The following MYO3B variants were observed in gnomAD, a reference collection of about 807,000 sequenced individuals.
MYO3B encodes the protein myosin IIIB.
A neutral mutation model predicts 174.6 loss-of-function variants in MYO3B; 156 were observed. The observed-to-expected ratio is 0.89, with a 90% CI of 0.78 to 1.02. The LOEUF is 1.02. Among genes scored for constraint, MYO3B ranks in the 50% least tolerant of loss-of-function variants. MYO3B has a pLI of 0.00. For synonymous variants in MYO3B, 563 were observed against 569.1 expected (o/e 0.99, Z 0.15); for missense variants, 1,632 against 1,639.4 (o/e 1.00, Z 0.08).
chr2:170,625,061 C>G (rs578055585), intron 32 of MYO3B, among the ~76,000 whole-genome samples: 1 of 152,298 alleles, frequency 6.6e-6, no homozygotes, highest in East Asian at 1.9e-4. Context: ...GCTTTGGTAT[C>G]AGGATGATGC....
chr2:170,455,291 C>A (rs967974139), intron 23 of MYO3B, among the ~76,000 whole-genome samples: 9 of 152,116 alleles, frequency 5.9e-5, no homozygotes. Context: ...TCAGCTTACA[C>A]CCAGGAATGA....
chr2:170,599,201 C>T (rs939412885), intron 32 of MYO3B, among the ~76,000 whole-genome samples: 2 of 152,208 alleles, frequency 1.3e-5, no homozygotes, highest in African/African-American at 2.4e-5. Context: ...CTGTACCACC[C>T]AGTAGTAAGG....
At chr2:170,444,712 A>G (rs1168226670) in intron 23 of MYO3B, among the ~76,000 whole-genome samples, 1 of 152,226 alleles carries the variant, frequency 6.6e-6, no homozygotes, top group Non-Finnish European at 1.5e-5. Context: ...AGATGTACAT[A>G]TTTATATTTA....
intron 6 of MYO3B, among the ~76,000 whole-genome samples, chr2:170,220,628 CAAAAAAAAA>C (rs71006077): frequency 1.2e-5 from 1 of 85,926 alleles, no homozygotes; most frequent in Non-Finnish European, 2.4e-5. Context: ...GATTCCGTCT[CAAAAAAAAA>C]AAAAAAAAAA....
chr2:170,554,105 T>C (rs1162829545), intron 32 of MYO3B, among the ~76,000 whole-genome samples: 1 of 152,222 alleles, frequency 6.6e-6, no homozygotes, highest in African/African-American at 2.4e-5. Flanking sequence ...AATGGACAAA[T>C]ACAGAGACTT....
intron 7 of MYO3B, among the ~76,000 whole-genome samples, chr2:170,296,120 G>T (rs1021480179): frequency 1.3e-5 from 2 of 152,176 alleles, no homozygotes; most frequent in African/African-American, 2.4e-5. Context: ...GCTTTCAAAG[G>T]TGGAAGATCT....
At chr2:170,602,273 C>T (rs987830058) in intron 32 of MYO3B, 6 of 767,710 alleles carry the variant, frequency 7.8e-6, no homozygotes, top group African/African-American at 3.4e-5. Flanking sequence ...ACCCAGTGCC[C>T]GTCCGGCTCT....
chr2:170,262,815 G>A (rs114828728), intron 7 of MYO3B, among the ~76,000 whole-genome samples: 1 of 152,034 alleles, frequency 6.6e-6, no homozygotes, highest in Non-Finnish European at 1.5e-5. Flanking sequence ...TGTGTATTTG[G>A]TTATCTCTCT....
intron 32 of MYO3B, among the ~76,000 whole-genome samples, chr2:170,558,293 ACT>A (rs1691476065): frequency 6.7e-6 from 1 of 149,828 alleles, no homozygotes; most frequent in East Asian, 2.0e-4. Flanking sequence ...ACAGAGTGAG[ACT>A]CTGTCTCCAA....
intron 3 of MYO3B, among the ~76,000 whole-genome samples, chr2:170,212,926 A>G (rs2092788023): frequency 6.6e-6 from 1 of 152,204 alleles, no homozygotes; most frequent in Non-Finnish European, 1.5e-5. Flanking sequence ...CCCCCTTTTT[A>G]TCTGCCTAGG....
intron 7 of MYO3B, among the ~76,000 whole-genome samples, chr2:170,297,113 T>C (rs1202704503): frequency 1.3e-5 from 2 of 152,210 alleles, no homozygotes; most frequent in African/African-American, 2.4e-5. Flanking sequence ...GTAAGAACCA[T>C]GTGAGAAATT....
At chr2:170,501,028 C>T (rs1243513923) in intron 27 of MYO3B, among the ~76,000 whole-genome samples, 2 of 152,156 alleles carry the variant, frequency 1.3e-5, no homozygotes, top group East Asian at 3.9e-4. Context: ...GTGGCTCAGT[C>T]TATTTTGGAC....
In MYO3B at chr2:170,428,902, G is replaced by C. The variant is rs1392061540; in HGVS notation, c.2651-15065G>C. Among the ~76,000 whole-genome samples the C allele has an allele frequency of 2.6e-5, 4 of 152,214 alleles. No homozygotes were observed. In the East Asian group the frequency reaches 7.7e-4, roughly 29 times the overall value. On this transcript the variant is annotated intron_variant, in intron 22 of 34. Transcript: ENST00000408978. ...CTCCTTAAGTCAGTGGCAGGTGTGGGATAGGAATCCAAGTTTCTCACTTTC... is the reference window on the plus strand; with the variant it reads ...CTCCTTAAGTCAGTGGCAGGTGTGGCATAGGAATCCAAGTTTCTCACTTTC...
At chr2:170,511,773 G>A (rs1688007269) in intron 28 of MYO3B, among the ~76,000 whole-genome samples, 1 of 152,176 alleles carries the variant, frequency 6.6e-6, no homozygotes, top group Admixed American at 6.5e-5. Context: ...TCAAGACGGA[G>A]CAGTCTTACA....
chr2:170,212,243 CAAA>C (rs57947187), intron 3 of MYO3B, among the ~76,000 whole-genome samples: 74,203 of 127,762 alleles, frequency 0.58, 19,261 homozygotes, highest in Admixed American at 0.65. Flanking sequence ...AACTCCCTCT[CAAA>C]AAAAAAAAAA....
intron 32 of MYO3B, among the ~76,000 whole-genome samples, chr2:170,649,413 C>T (rs1171346311): frequency 1.5e-5 from 1 of 67,754 alleles, no homozygotes; most frequent in South Asian, 6.4e-4. Flanking sequence ...TAAAATATTA[C>T]ATATAAAATA....
At chr2:170,296,620 C>G (rs1176091937) in intron 7 of MYO3B, among the ~76,000 whole-genome samples, 1 of 152,090 alleles carries the variant, frequency 6.6e-6, no homozygotes, top group Non-Finnish European at 1.5e-5. Context: ...CTCTTTATTG[C>G]CCAAAGGAGA....
chr2:170,609,594 A>G (rs542554743), intron 32 of MYO3B, among the ~76,000 whole-genome samples: 49 of 152,334 alleles, frequency 3.2e-4, no homozygotes, highest in African/African-American at 1.2e-3. Context: ...ATCTCAAACT[A>G]GCGTAGACCA....
chr2:170,509,494 T>TA (rs1482398392), intron 28 of MYO3B, among the ~76,000 whole-genome samples: 2 of 152,248 alleles, frequency 1.3e-5, no homozygotes, highest in Non-Finnish European at 2.9e-5. Flanking sequence ...AGTCTTAACT[T>TA]ACGTCTTGTT....
Sources: allele counts gnomAD v4.1 joint callset (sites outside exome capture counted in the v4.1 genomes callset), GRCh38; gene constraint gnomAD v4.1.1; transcripts MANE v1.5; gene names NCBI Gene and HGNC (gene_info 2026-07-23, HGNC 2026-07-21).